NRXN3: variants seen among roughly 807,000 people sequenced by gnomAD.
The protein encoded by NRXN3 is neurexin III.
Under a neutral mutation model 137.6 loss-of-function variants are expected in NRXN3, and 32 were observed. The observed-to-expected ratio is 0.23, with a 90% CI of 0.18 to 0.31. NRXN3 has a LOEUF of 0.31. Among genes scored for constraint, NRXN3 ranks in the 10% least tolerant of loss-of-function variants. The pLI is 1.00. For missense variants in NRXN3, 1,574 were observed against 2,062.5 expected (o/e 0.76, Z 4.59); for synonymous variants, 798 against 784.5 (o/e 1.02, Z -0.29).
chr14:78,679,134 T>C (rs910326028), intron 6 of NRXN3, among the ~76,000 whole-genome samples: 11 of 152,172 alleles, frequency 7.2e-5, no homozygotes, highest in African/African-American at 2.7e-4. Context: ...ATTGTTTTCA[T>C]AGAAAAAAAG....
intron 16 of NRXN3, among the ~76,000 whole-genome samples, chr14:79,486,395 A>C (rs184591600): frequency 3.5e-4 from 54 of 152,344 alleles, no homozygotes; most frequent in Admixed American, 3.1e-3. Context: ...TTAAAAGATA[A>C]GATTAGATAC....
At chr14:78,552,778 CCT>C (rs1234707321) in intron 4 of NRXN3, among the ~76,000 whole-genome samples, 1 of 152,068 alleles carries the variant, frequency 6.6e-6, no homozygotes, top group African/African-American at 2.4e-5. Context: ...TGGAATAAGA[CCT>C]AGTGTTAGAT....
intron 15 of NRXN3, among the ~76,000 whole-genome samples, chr14:79,028,474 G>A (rs1485601222): frequency 6.6e-6 from 1 of 152,128 alleles, no homozygotes; most frequent in African/African-American, 2.4e-5. Context: ...AAAACTGTGA[G>A]CAAGGTTAAA....
chr14:78,913,272 T>TAA (rs2099245236), intron 10 of NRXN3, among the ~76,000 whole-genome samples: 1 of 74,728 alleles, frequency 1.3e-5, no homozygotes, highest in Non-Finnish European at 2.5e-5. Context: ...CTTTCTTTCT[T>TAA]TCTTTTTTTT....
chr14:78,307,933 TAAAG>T (rs1406399293), intron 4 of NRXN3, among the ~76,000 whole-genome samples: 2 of 152,124 alleles, frequency 1.3e-5, no homozygotes, highest in African/African-American at 4.8e-5. Context: ...TGTTGACTCT[TAAAG>T]AGATACTGCT....
At chr14:78,861,530 A>C (rs2099072302) in intron 10 of NRXN3, among the ~76,000 whole-genome samples, 1 of 151,996 alleles carries the variant, frequency 6.6e-6, no homozygotes, top group South Asian at 2.1e-4. Context: ...AGTAATACCA[A>C]CTCTTAAAAC....
chr14:78,347,271 G>A (rs1269556582), intron 4 of NRXN3, among the ~76,000 whole-genome samples: 1 of 152,194 alleles, frequency 6.6e-6, no homozygotes. Flanking sequence ...AAAAGGAAGT[G>A]CTCAGGGAGC....
At chr14:79,133,515 G>A (rs2057836634) in intron 15 of NRXN3, among the ~76,000 whole-genome samples, 1 of 152,108 alleles carries the variant, frequency 6.6e-6, no homozygotes, top group African/African-American at 2.4e-5. Context: ...ATTACTACCT[G>A]TTATCTCTTT....
At chr14:79,582,884 A>G (rs1446824475) in intron 16 of NRXN3, among the ~76,000 whole-genome samples, 1 of 152,216 alleles carries the variant, frequency 6.6e-6, no homozygotes, top group African/African-American at 2.4e-5. Flanking sequence ...AACCTGAGAA[A>G]TAAAACTGTT....
chr14:78,401,233 T>G (rs2092022871), intron 4 of NRXN3, among the ~76,000 whole-genome samples: 1 of 152,114 alleles, frequency 6.6e-6, no homozygotes, highest in Non-Finnish European at 1.5e-5. Flanking sequence ...AGCGTGATCT[T>G]GGCTCACTGC....
At chr14:79,264,398 A>C (rs2078113184) in intron 15 of NRXN3, among the ~76,000 whole-genome samples, 1 of 152,164 alleles carries the variant, frequency 6.6e-6, no homozygotes, top group Non-Finnish European at 1.5e-5. Context: ...CAACAATAGG[A>C]ATTCATTTTC....
chr14:78,562,282 G>A (rs747337388), intron 4 of NRXN3, among the ~76,000 whole-genome samples: 19 of 151,256 alleles, frequency 1.3e-4, no homozygotes, highest in South Asian at 6.3e-4. Flanking sequence ...CTGTAGTCCC[G>A]GCTACTCAGG....
At position 78,577,071 on chromosome 14, in the gene NRXN3, ACT is replaced by A. The variant is rs2096943292; in HGVS notation, c.758-68046_758-68045del. On this transcript the variant is annotated intron_variant, in intron 4 of 20. Transcript: ENST00000335750. The stretch of plus-strand genomic sequence containing the variant: ...CAGAATACCCCCAAAGCTCCCTAAG[ACT>A]CTGGTCTACTTACCTTCTTCATCCT... 2.0e-5 allele frequency among the ~76,000 whole-genome samples: 3 copies of A among 151,872 alleles called. No homozygotes were observed. In the South Asian group the frequency reaches 6.2e-4, roughly 32 times the overall value.
chr14:79,042,099 G>T (rs1350402510), intron 15 of NRXN3, among the ~76,000 whole-genome samples: 1 of 152,204 alleles, frequency 6.6e-6, no homozygotes, highest in Non-Finnish European at 1.5e-5. Flanking sequence ...AGCCGGCCTT[G>T]TCATTTATCT....
chr14:78,209,538 G>A (rs2062542330), intron 1 of NRXN3, among the ~76,000 whole-genome samples: 1 of 152,144 alleles, frequency 6.6e-6, no homozygotes, highest in African/African-American at 2.4e-5. Context: ...TACAATCATG[G>A]CAGAAGGGGA....
At chr14:78,849,086 A>G (rs1311454080) in intron 10 of NRXN3, among the ~76,000 whole-genome samples, 1 of 152,132 alleles carries the variant, frequency 6.6e-6, no homozygotes. Context: ...ATTGAATCAC[A>G]AGGACATCTT....
intron 4 of NRXN3, among the ~76,000 whole-genome samples, chr14:78,616,385 C>A (rs958550514): frequency 1.3e-5 from 2 of 152,208 alleles, no homozygotes; most frequent in African/African-American, 4.8e-5. Flanking sequence ...AACTCGTACT[C>A]ATTTGCAGGT....
At chr14:79,505,215 CAAA>C (rs111560292) in intron 16 of NRXN3, among the ~76,000 whole-genome samples, 3 of 93,172 alleles carry the variant, frequency 3.2e-5, no homozygotes, top group Non-Finnish European at 4.5e-5. Flanking sequence ...AACTCCATCT[CAAA>C]AAAAAAAAAA....
At chr14:78,660,890 C>T (rs1337038769) in intron 6 of NRXN3, among the ~76,000 whole-genome samples, 2 of 152,112 alleles carry the variant, frequency 1.3e-5, no homozygotes, top group African/African-American at 4.8e-5. Flanking sequence ...GGTCCTTGGA[C>T]AGGGAAAGAC....
Sources: gnomAD v4.1 joint callset for allele counts (sites outside exome capture counted in the v4.1 genomes callset) on GRCh38, gnomAD v4.1.1 for gene constraint, MANE v1.5 for transcripts, NCBI Gene and HGNC (gene_info 2026-07-23, HGNC 2026-07-21) for gene names.